The following FOCAD variants were observed in gnomAD, a reference collection of about 807,000 sequenced individuals.
FOCAD encodes the protein focadhesin.
In FOCAD, 198 loss-of-function variants were observed where a neutral mutation model predicts 225.6. The ratio of observed to expected loss-of-function variants is 0.88; its 90% confidence interval spans 0.78 to 0.99. The LOEUF (loss-of-function observed/expected upper bound fraction) is 0.99. Ranked by LOEUF, FOCAD falls within the 50% of genes least tolerant of loss-of-function variation. The pLI, the probability that FOCAD is intolerant of heterozygous loss-of-function variation, is 0.00. For missense variants in FOCAD, 2,713 were observed against 2,123.6 expected, an observed-to-expected ratio of 1.28 and a Z score of -5.46; for synonymous variants, 897 against 755.0, an observed-to-expected ratio of 1.19 and a Z score of -3.08.
chr9:20,888,251 A>G (rs1313680910), intron 21 of FOCAD, among the ~76,000 whole-genome samples: 1 of 144,376 alleles, frequency 6.9e-6, no homozygotes, highest in Non-Finnish European at 1.5e-5. Flanking sequence ...CGATTCTCCC[A>G]CCTCAGTCTC....
At chr9:20,720,338 C>T (rs1410003506) in intron 3 of FOCAD, 42 bp from the exon 4 acceptor site, 2 of 1,598,162 alleles carry the variant, frequency 1.3e-6, no homozygotes, top group Admixed American at 1.7e-5. Context: ...TGTGTGTTTG[C>T]TGCTCATCAG....
rs1840391528 is a variant in FOCAD, at chr9:20,978,382, G to C, written c.4305G>C (p.Gln1435His). Residue 1435 changes from glutamine to histidine, a missense_variant, in exon 37 of 44, where the codon CAG becomes CAC. Transcript: ENST00000338382. Reference protein sequence around the residue: ...QQLCLEIMVTQAQSSQNAAAL... With the variant: ...QQLCLEIMVTHAQSSQNAAAL... ...TGTGCCTTGAAATTATGGTGACCCAGGCACAGTCATCCCAGAATGCAGCTG... is the reference window on the plus strand; with the variant it reads ...TGTGCCTTGAAATTATGGTGACCCACGCACAGTCATCCCAGAATGCAGCTG... 1 of 1,611,832 alleles carries C rather than the reference G, an allele frequency of 6.2e-7. No homozygotes were observed. Among genetic ancestry groups the C allele is most frequent in the Admixed American group, 1.7e-5 (1 of 59,800 alleles).
At chr9:20,954,895 T>A (rs1837996357) in intron 35 of FOCAD, among the ~76,000 whole-genome samples, 1 of 152,194 alleles carries the variant, frequency 6.6e-6, no homozygotes, top group South Asian at 2.1e-4. Context: ...AAAGCCCATT[T>A]ACAAAAACAA....
intron 1 of FOCAD, among the ~76,000 whole-genome samples, chr9:20,695,871 C>T (rs1563884312): frequency 1.3e-5 from 2 of 152,206 alleles, no homozygotes; most frequent in African/African-American, 4.8e-5. Context: ...TAAGCACACA[C>T]ATTTTAACAT....
At chr9:20,859,918 A>G (rs1404108659) in intron 15 of FOCAD, among the ~76,000 whole-genome samples, 2 of 151,942 alleles carry the variant, frequency 1.3e-5, no homozygotes, top group South Asian at 2.1e-4. Context: ...TTAGGGGACA[A>G]TCAAGAATGA....
intron 35 of FOCAD, among the ~76,000 whole-genome samples, chr9:20,960,313 C>G (rs889866083): frequency 1.3e-5 from 2 of 152,150 alleles, no homozygotes; most frequent in African/African-American, 4.8e-5. Context: ...TCACTGCATC[C>G]CATCTGTGGC....
intron 11 of FOCAD, among the ~76,000 whole-genome samples, chr9:20,816,898 A>G (rs1442917190): frequency 6.6e-6 from 1 of 152,146 alleles, no homozygotes; most frequent in African/African-American, 2.4e-5. Flanking sequence ...AGTAGTGTAG[A>G]AATGATTTAA....
At chr9:20,926,560 G>C (rs894169143) in intron 26 of FOCAD, 143 bp downstream of exon 26, 7 of 576,880 alleles carry the variant, frequency 1.2e-5, no homozygotes, top group Non-Finnish European at 1.9e-5. Flanking sequence ...GAGGTGGGCG[G>C]ATCACCTGAG....
At chr9:20,897,740 A>G (rs970437920) in intron 21 of FOCAD, among the ~76,000 whole-genome samples, 11 of 151,796 alleles carry the variant, frequency 7.2e-5, no homozygotes, top group African/African-American at 2.7e-4. Context: ...ATACATGACT[A>G]CTATTATTAT....
chr9:20,921,829 C>G (rs965669165), intron 24 of FOCAD, among the ~76,000 whole-genome samples: 2 of 152,128 alleles, frequency 1.3e-5, no homozygotes, highest in African/African-American at 4.8e-5. Flanking sequence ...AGGCTAATTT[C>G]TCTTTCAGAA....
chr9:20,820,631 C>A (rs779357053), intron 13 of FOCAD, among the ~76,000 whole-genome samples: 1 of 152,062 alleles, frequency 6.6e-6, no homozygotes, highest in Admixed American at 6.6e-5. Flanking sequence ...AATCTCATTT[C>A]TTTATTTCTG....
At chr9:20,915,439 G>GGAGCAACCAACTGTGTC (rs1833790356) in intron 23 of FOCAD, among the ~76,000 whole-genome samples, 1 of 152,144 alleles carries the variant, frequency 6.6e-6, no homozygotes, top group Non-Finnish European at 1.5e-5. Flanking sequence ...GGCATTCTAA[G>GGAGCAACCAACTGTGTC]GAGCAACCAA....
At chr9:20,814,137 C>T (rs997191937) in intron 11 of FOCAD, among the ~76,000 whole-genome samples, 2 of 151,990 alleles carry the variant, frequency 1.3e-5, no homozygotes, top group Non-Finnish European at 2.9e-5. Context: ...TTTGGGTTTT[C>T]GGAATCCACT....
chr9:20,745,639 T>C (rs1053240412), intron 5 of FOCAD, among the ~76,000 whole-genome samples: 1 of 152,226 alleles, frequency 6.6e-6, no homozygotes, highest in South Asian at 2.1e-4. Context: ...TCAGCTAAAG[T>C]GAGGAAATAG....
At chr9:20,781,680 C>G (rs1362112874) in intron 9 of FOCAD, 47 bp from the exon 10 acceptor site, 1 of 1,559,704 alleles carries the variant, frequency 6.4e-7, no homozygotes, top group East Asian at 2.2e-5. Context: ...TTTTGTTTGA[C>G]TGTGGTATTA....
At chr9:20,763,768 A>G (rs1229552293) in intron 6 of FOCAD, among the ~76,000 whole-genome samples, 1 of 152,296 alleles carries the variant, frequency 6.6e-6, no homozygotes, top group African/African-American at 2.4e-5. Context: ...CAGAGGCCAA[A>G]TGATGGAGGG....
At chr9:20,774,268 C>G (rs1481566478) in intron 8 of FOCAD, among the ~76,000 whole-genome samples, 1 of 152,136 alleles carries the variant, frequency 6.6e-6, no homozygotes, top group Non-Finnish European at 1.5e-5. Flanking sequence ...TGACTGGGTT[C>G]AGGATATTTT....
At chr9:20,859,007 A>C (rs1451294133) in intron 15 of FOCAD, among the ~76,000 whole-genome samples, 1 of 151,972 alleles carries the variant, frequency 6.6e-6, no homozygotes, top group Non-Finnish European at 1.5e-5. Flanking sequence ...TCTATCATAT[A>C]GTCTGTCCTT....
At chr9:20,751,145 T>C (rs1828501637) in intron 5 of FOCAD, among the ~76,000 whole-genome samples, 1 of 140,112 alleles carries the variant, frequency 7.1e-6, no homozygotes, top group African/African-American at 2.7e-5. Flanking sequence ...ATCTCACCTC[T>C]CCACTTCCAT....
Sources: gnomAD v4.1 joint callset for allele counts (sites outside exome capture counted in the v4.1 genomes callset) on GRCh38, gnomAD v4.1.1 for gene constraint, MANE v1.5 for transcripts, NCBI Gene and HGNC (gene_info 2026-07-23, HGNC 2026-07-21) for gene names.